The following GNA12 variants were observed in gnomAD, a reference collection of about 807,000 sequenced individuals.
GNA12 encodes G protein subunit alpha 12, also known as guanine nucleotide-binding protein subunit alpha-12.
GNA12 carries 9 observed loss-of-function variants against 26.0 expected under a neutral mutation model. The observed-to-expected ratio is 0.35, with a 90% confidence interval of 0.21 to 0.60. The LOEUF is 0.60. Ranked by LOEUF, GNA12 falls within the 20% of genes least tolerant of loss-of-function variation. The probability of loss-of-function intolerance (pLI) is 0.78; values close to 1 mark genes in which losing one functional copy is unlikely to be tolerated. For missense variants in GNA12, 405 were observed against 525.8 expected (o/e 0.77, Z 2.25); for synonymous variants, 264 against 219.6 (o/e 1.20, Z -1.79).
In GNA12 at chr7:2,843,855, T is replaced by C. The variant is rs1310625909; in HGVS notation, c.307A>G (p.Lys103Glu). 3 of 1,507,864 alleles carry C rather than the reference T, an allele frequency of 2.0e-6. No individual in the cohort carries two copies. Among genetic ancestry groups the C allele is most frequent in the Non-Finnish European group, 2.7e-6 (3 of 1,120,268 alleles). 93.4% of individuals were successfully genotyped at this position (1,507,864 alleles called of 1,614,324 possible). A position where few individuals can be genotyped will look rare whatever the true frequency, so the allele number is the denominator to read the frequency against. ...FRDTIFDNIL[K>E]GSRVLVDARD... is the part of the protein sequence containing the mutation. The stretch of plus-strand genomic sequence containing the variant: ...GCTGGGCGGGGGGCGCGCGTCACCT[T>C]GAGGATGTTGTCGAAGATGGTGTCG... The change falls in exon 1 of 4, where the codon AAG (lysine) becomes GAG (glutamate). Residue 103 changes from lysine (K) to glutamate (E), a missense_variant and splice_region_variant. Lys to Glu is a moderately conservative substitution (Grantham distance 56). Coordinates refer to ENST00000275364, the MANE Select transcript of GNA12 (RefSeq NM_007353.3).
intron 2 of GNA12, among the ~76,000 whole-genome samples, chr7:2,742,476 C>A (rs980844735): frequency 8.5e-5 from 13 of 152,210 alleles, no homozygotes; most frequent in African/African-American, 3.1e-4. Flanking sequence ...AAGAGCCCTG[C>A]TCCTGTTTAT....
intron 2 of GNA12, among the ~76,000 whole-genome samples, chr7:2,737,960 G>A (rs993329045): frequency 3.3e-5 from 5 of 152,130 alleles, no homozygotes; most frequent in African/African-American, 1.2e-4. Context: ...CTCAGTGAAC[G>A]CCTGTGACAT....
chr7:2,835,949 G>C, intron 1 of GNA12: 1 of 507,304 alleles, frequency 2.0e-6, no homozygotes, highest in South Asian at 1.8e-5. Context: ...GCAATTCAGT[G>C]GGTGTGAGCA....
chr7:2,768,586 A>G (rs761977412), intron 2 of GNA12, among the ~76,000 whole-genome samples: 2 of 152,098 alleles, frequency 1.3e-5, no homozygotes, highest in Non-Finnish European at 2.9e-5. Flanking sequence ...TTTCTTTCAA[A>G]ATGGTTATAA....
chr7:2,797,566 C>T (rs1368079532), intron 1 of GNA12, among the ~76,000 whole-genome samples: 1 of 151,940 alleles, frequency 6.6e-6, no homozygotes, highest in East Asian at 1.9e-4. Context: ...TAAAAATCTT[C>T]ATTTCTGACA....
chr7:2,804,643 G>T (rs1792899424), intron 1 of GNA12, among the ~76,000 whole-genome samples: 3 of 152,188 alleles, frequency 2.0e-5, no homozygotes, highest in Non-Finnish European at 4.4e-5. Context: ...GTCCTCTGGG[G>T]GCAGTGTCAC....
chr7:2,751,870 C>G (rs1562405745), intron 2 of GNA12, among the ~76,000 whole-genome samples: 1 of 152,046 alleles, frequency 6.6e-6, no homozygotes, highest in Non-Finnish European at 1.5e-5. Flanking sequence ...AAAACAACAA[C>G]AAAACTTCCC....
intron 2 of GNA12, among the ~76,000 whole-genome samples, chr7:2,779,442 C>T (rs994001033): frequency 1.3e-4 from 20 of 151,104 alleles, no homozygotes; most frequent in African/African-American, 4.1e-4. Context: ...CCTGCGAGTT[C>T]GAGGCTACAG....
At chr7:2,736,681 C>A (rs1265229363) in intron 2 of GNA12, among the ~76,000 whole-genome samples, 18 of 152,262 alleles carry the variant, frequency 1.2e-4, no homozygotes, top group Admixed American at 1.2e-3. Context: ...CAGAGGCCTG[C>A]AGCCTTCAGC....
At chr7:2,776,956 TAAG>T (rs3216401) in intron 2 of GNA12, among the ~76,000 whole-genome samples, 35,055 of 151,792 alleles carry the variant, frequency 0.23, 4,744 homozygotes, top group Non-Finnish European at 0.29. Flanking sequence ...AATAATAAAA[TAAG>T]AATAAACCTT....
At chr7:2,732,152 G>A (rs1389691737) in intron 3 of GNA12, among the ~76,000 whole-genome samples, 1 of 152,190 alleles carries the variant, frequency 6.6e-6, no homozygotes, top group Non-Finnish European at 1.5e-5. Context: ...TGAATGTGAT[G>A]TAAATTCAAT....
At chr7:2,733,877 G>C (rs1388342326) in intron 2 of GNA12, among the ~76,000 whole-genome samples, 2 of 152,204 alleles carry the variant, frequency 1.3e-5, no homozygotes, top group African/African-American at 2.4e-5. Context: ...TTAGATTTTG[G>C]CTCCTGGGTA....
intron 1 of GNA12, among the ~76,000 whole-genome samples, chr7:2,828,015 A>C (rs1793524337): frequency 6.6e-6 from 1 of 152,356 alleles, no homozygotes; most frequent in South Asian, 2.1e-4. Context: ...GAACTCAGGC[A>C]AGTTGGTGGC....
At chr7:2,765,415 T>A (rs1791762917) in intron 2 of GNA12, among the ~76,000 whole-genome samples, 1 of 151,792 alleles carries the variant, frequency 6.6e-6, no homozygotes, top group Admixed American at 6.6e-5. Context: ...CGCCTCGGCC[T>A]CCTAAAATGC....
At chr7:2,748,291 G>A in intron 2 of GNA12, among the ~76,000 whole-genome samples, 1 of 152,230 alleles carries the variant, frequency 6.6e-6, no homozygotes, top group Non-Finnish European at 1.5e-5. Flanking sequence ...AAAACAGCAT[G>A]GTACTGGTAC....
chr7:2,739,450 G>A (rs1348549675), intron 2 of GNA12, among the ~76,000 whole-genome samples: 1 of 152,088 alleles, frequency 6.6e-6, no homozygotes, highest in Non-Finnish European at 1.5e-5. Flanking sequence ...CTGTGGCACA[G>A]GCCAGTGCAA....
intron 3 of GNA12, among the ~76,000 whole-genome samples, chr7:2,732,356 G>T (rs1310585931): frequency 1.3e-5 from 2 of 152,138 alleles, no homozygotes; most frequent in African/African-American, 2.4e-5. Flanking sequence ...AGAACAGCCT[G>T]GGCAACATAG....
At chr7:2,835,643 C>T (rs537351387) in intron 1 of GNA12, 32 of 859,966 alleles carry the variant, frequency 3.7e-5, no homozygotes, top group South Asian at 1.2e-4. Flanking sequence ...ATGAAGAAGA[C>T]GGCTGCAGAA....
chr7:2,792,308 A>G (rs1416997554), intron 2 of GNA12, among the ~76,000 whole-genome samples: 3 of 152,226 alleles, frequency 2.0e-5, no homozygotes, highest in Non-Finnish European at 4.4e-5. Flanking sequence ...CACAGTGATT[A>G]CCAAGATGAT....
Sources: gnomAD v4.1 joint callset for allele counts (sites outside exome capture counted in the v4.1 genomes callset) on GRCh38, gnomAD v4.1.1 for gene constraint, MANE v1.5 for transcripts, NCBI Gene and HGNC (gene_info 2026-07-23, HGNC 2026-07-21) for gene names.